Variants in MAST4 observed in about 807,000 individuals in gnomAD.
MAST4 encodes microtubule-associated serine/threonine-protein kinase 4.
MAST4 carries 89 observed loss-of-function variants against 162.7 expected under a neutral mutation model. The observed-to-expected ratio is 0.55, with a 90% CI of 0.46 to 0.65. MAST4 has a LOEUF of 0.65. MAST4 is among the 30% of genes least tolerant of loss of function. The pLI, the probability that MAST4 is intolerant of heterozygous loss-of-function variation, is 0.00. For synonymous variants in MAST4, 1,479 were observed against 1,361.1 expected (o/e 1.09, Z -1.91); for missense variants, 3,153 against 3,374.0 (o/e 0.93, Z 1.62).
chr5:67,000,475 C>G (rs1220661236), intron 4 of MAST4, among the ~76,000 whole-genome samples: 2 of 152,154 alleles, frequency 1.3e-5, no homozygotes, highest in Non-Finnish European at 2.9e-5. Context: ...GTGTTGCCGG[C>G]TGTGGTGGCT....
intron 15 of MAST4, among the ~76,000 whole-genome samples, chr5:67,131,418 A>G (rs1052851046): frequency 1.3e-5 from 2 of 152,282 alleles, no homozygotes; most frequent in Admixed American, 1.3e-4. Context: ...AGGTGAAGGA[A>G]CCAAGAGTCG....
chr5:66,677,356 C>T, intron 1 of MAST4, among the ~76,000 whole-genome samples: 1 of 152,114 alleles, frequency 6.6e-6, no homozygotes, highest in South Asian at 2.1e-4. Context: ...TAATTTCATT[C>T]CTTTGGCATT....
intron 5 of MAST4, among the ~76,000 whole-genome samples, chr5:67,077,294 TCCC>T (rs1263256771): frequency 6.9e-6 from 1 of 144,728 alleles, no homozygotes; most frequent in East Asian, 2.8e-4. Context: ...GCCCTCCACC[TCCC>T]TCCCCATTCT....
chr5:66,867,124 G>A (rs117003244), intron 3 of MAST4, among the ~76,000 whole-genome samples: 3 of 152,074 alleles, frequency 2.0e-5, no homozygotes, highest in Non-Finnish European at 4.4e-5. Context: ...TATATGCTCC[G>A]ATATATGATT....
chr5:66,909,917 A>G (rs553100015), intron 4 of MAST4, among the ~76,000 whole-genome samples: 137 of 152,322 alleles, frequency 9.0e-4, no homozygotes, highest in Middle Eastern at 3.4e-3. Context: ...GCCACCATGT[A>G]AGACATGACT....
intron 3 of MAST4, among the ~76,000 whole-genome samples, chr5:66,874,339 C>A (rs754574521): frequency 6.6e-6 from 1 of 152,066 alleles, no homozygotes; most frequent in Non-Finnish European, 1.5e-5. Flanking sequence ...GATATGGGAG[C>A]ATCAGGGACA....
At position 67,073,410 on chromosome 5, in the gene MAST4, T is replaced by C. The variant is rs192309375; in HGVS notation, c.764-16752T>C. On this transcript the variant is annotated intron_variant, in intron 5 of 28. Transcript: ENST00000403625. The stretch of plus-strand genomic sequence containing the variant: ...GTCTATATTCTAACTGCAAGGAAAG[T>C]TGGAAAAGTGGGTGGTGGCATCAGC... Among the ~76,000 whole-genome samples, 184 of 152,172 alleles carry C rather than the reference T, an allele frequency of 1.2e-3. 1 individual carries two copies. The Middle Eastern group carries it at 0.017, about 14-fold the overall frequency.
intron 4 of MAST4, among the ~76,000 whole-genome samples, chr5:67,013,506 C>T (rs1752928810): frequency 6.6e-6 from 1 of 152,106 alleles, no homozygotes; most frequent in African/African-American, 2.4e-5. Context: ...AAGAAGTATG[C>T]TTTATTCTAT....
intron 1 of MAST4, among the ~76,000 whole-genome samples, chr5:66,606,544 T>G (rs1322356338): frequency 6.6e-6 from 1 of 152,226 alleles, no homozygotes; most frequent in East Asian, 1.9e-4. Flanking sequence ...AAATAAGTTC[T>G]GTTTTTGGAG....
At chr5:66,788,607 C>CCCCCCAA in intron 2 of MAST4, 63 bp from the exon 3 acceptor site, 2 of 1,373,726 alleles carry the variant, frequency 1.5e-6, no homozygotes, top group Non-Finnish European at 2.0e-6. Context: ...CCCCCACCCC[C>CCCCCCAA]ATTGCAATAA....
chr5:66,625,195 C>A (rs1361130063), intron 1 of MAST4, among the ~76,000 whole-genome samples: 1 of 152,070 alleles, frequency 6.6e-6, no homozygotes, highest in Non-Finnish European at 1.5e-5. Context: ...TCTTCTCCAG[C>A]AAGATTATAT....
At chr5:66,707,441 C>A (rs1302899418) in intron 1 of MAST4, among the ~76,000 whole-genome samples, 1 of 152,088 alleles carries the variant, frequency 6.6e-6, no homozygotes, top group Non-Finnish European at 1.5e-5. Context: ...AACAAGGGGG[C>A]CTTAAAAACA....
chr5:66,656,494 G>T (rs1290888447), intron 1 of MAST4, among the ~76,000 whole-genome samples: 1 of 152,186 alleles, frequency 6.6e-6, no homozygotes, highest in Non-Finnish European at 1.5e-5. Context: ...AAGCTTGTAT[G>T]TCTCACCCAT....
At chr5:66,919,084 CAG>C (rs1299065851) in intron 4 of MAST4, among the ~76,000 whole-genome samples, 1 of 137,140 alleles carries the variant, frequency 7.3e-6, no homozygotes, top group Non-Finnish European at 1.6e-5. Flanking sequence ...GCCTGGGTGA[CAG>C]AGCGAGACTC....
chr5:66,906,961 T>C lies in MAST4; in HGVS notation c.674+6979T>C, dbSNP rs955728113. Among the ~76,000 whole-genome samples the C allele has an allele frequency of 2.3e-4, 35 of 152,096 alleles. 1 individual carries two copies. ...AGCAGGGGAACTTGATGGTAGCTTC[T>C]GGGAGGAGCTGGGCCTGCTAGACTT... On this transcript the variant is annotated intron_variant, in intron 4 of 28. Coordinates refer to ENST00000403625, the MANE Select transcript of MAST4 (RefSeq NM_001164664.2).
At chr5:66,741,877 G>GT (rs1412038553) in intron 1 of MAST4, among the ~76,000 whole-genome samples, 1 of 152,028 alleles carries the variant, frequency 6.6e-6, no homozygotes, top group Non-Finnish European at 1.5e-5. Flanking sequence ...ACTGATTTTT[G>GT]TTAATTTTTA....
chr5:66,657,087 A>C (rs556594234), intron 1 of MAST4, among the ~76,000 whole-genome samples: 1 of 152,342 alleles, frequency 6.6e-6, no homozygotes, highest in African/African-American at 2.4e-5. Flanking sequence ...AAGGTAGAAA[A>C]CTTAAAAATG....
intron 3 of MAST4, among the ~76,000 whole-genome samples, chr5:66,796,736 T>C (rs1289935377): frequency 6.6e-6 from 1 of 152,186 alleles, no homozygotes; most frequent in African/African-American, 2.4e-5. Flanking sequence ...TTATTACCTG[T>C]TTACCCAACT....
intron 4 of MAST4, among the ~76,000 whole-genome samples, chr5:66,980,672 G>T (rs889647645): frequency 6.6e-6 from 1 of 152,226 alleles, no homozygotes; most frequent in Non-Finnish European, 1.5e-5. Context: ...TGTGTTTGTT[G>T]CAAGAATATT....
Sources: allele counts gnomAD v4.1 joint callset (sites outside exome capture counted in the v4.1 genomes callset), GRCh38; gene constraint gnomAD v4.1.1; transcripts MANE v1.5; gene names NCBI Gene and HGNC (gene_info 2026-07-23, HGNC 2026-07-21).